Variants in TAFA1 observed in about 807,000 individuals in gnomAD.
The protein encoded by TAFA1 is chemokine-like protein TAFA-1.
A neutral mutation model predicts 18.5 loss-of-function variants in TAFA1; 4 were observed. The observed-to-expected ratio is 0.22, with a 90% confidence interval of 0.11 to 0.49. TAFA1 has a LOEUF of 0.49. TAFA1 is among the 20% of genes least tolerant of loss of function. The probability of loss-of-function intolerance (pLI) is 0.98; values close to 1 mark genes in which losing one functional copy is unlikely to be tolerated. For synonymous variants in TAFA1, 56 were observed against 55.2 expected (o/e 1.01, Z -0.06); for missense variants, 147 against 169.0 (o/e 0.87, Z 0.72).
intron 2 of TAFA1, among the ~76,000 whole-genome samples, chr3:68,257,659 T>G (rs1007568934): frequency 6.6e-6 from 1 of 152,188 alleles, no homozygotes; most frequent in African/African-American, 2.4e-5. Flanking sequence ...TACTTCTTCA[T>G]GCAGTGAGCT....
intron 2 of TAFA1, among the ~76,000 whole-genome samples, chr3:68,391,716 G>C (rs1400321308): frequency 1.3e-5 from 2 of 152,048 alleles, no homozygotes; most frequent in African/African-American, 2.4e-5. Flanking sequence ...CAACATTCTT[G>C]AAGAAAATAA....
intron 2 of TAFA1, among the ~76,000 whole-genome samples, chr3:68,330,523 A>C (rs140128524): frequency 6.6e-6 from 1 of 152,292 alleles, no homozygotes; most frequent in East Asian, 1.9e-4. Context: ...TAGAAATGAC[A>C]ATTTATTGAG....
At chr3:68,431,094 C>A (rs1395586674) in intron 3 of TAFA1, among the ~76,000 whole-genome samples, 1 of 151,858 alleles carries the variant, frequency 6.6e-6, no homozygotes, top group East Asian at 1.9e-4. Flanking sequence ...TCCCTAACCC[C>A]CTACAAAAGC....
chr3:68,341,708 G>T (rs778107576), intron 2 of TAFA1, among the ~76,000 whole-genome samples: 8 of 152,138 alleles, frequency 5.3e-5, no homozygotes, highest in Non-Finnish European at 7.4e-5. Flanking sequence ...CAGCTCCAAG[G>T]TTAGCAGAAA....
intron 2 of TAFA1, among the ~76,000 whole-genome samples, chr3:68,200,090 A>G (rs1343540889): frequency 6.6e-6 from 1 of 151,598 alleles, no homozygotes; most frequent in African/African-American, 2.4e-5. Context: ...GCATCTACTC[A>G]TATGATCATA....
intron 2 of TAFA1, among the ~76,000 whole-genome samples, chr3:68,340,703 G>C (rs1055521619): frequency 3.3e-5 from 5 of 152,154 alleles, no homozygotes; most frequent in African/African-American, 9.7e-5. Flanking sequence ...CCAGGAGTAA[G>C]TACACATCCA....
At chr3:68,182,009 C>G (rs138091110) in intron 2 of TAFA1, among the ~76,000 whole-genome samples, 2,894 of 152,178 alleles carry the variant, frequency 0.019, 104 homozygotes, top group African/African-American at 0.066. Context: ...GAGCTTGAGA[C>G]CAGCCTGGGC....
At chr3:68,204,374 T>C (rs908961890) in intron 2 of TAFA1, among the ~76,000 whole-genome samples, 1 of 151,756 alleles carries the variant, frequency 6.6e-6, no homozygotes, top group Non-Finnish European at 1.5e-5. Context: ...AGCCCCCCAC[T>C]TACACTGGCC....
intron 2 of TAFA1, among the ~76,000 whole-genome samples, chr3:68,291,196 C>G (rs1164903666): frequency 1.3e-5 from 2 of 152,116 alleles, no homozygotes; most frequent in Non-Finnish European, 2.9e-5. Context: ...ATAACTTCAG[C>G]TCACATTAAA....
chr3:68,292,068 T>A (rs1213823770), intron 2 of TAFA1, among the ~76,000 whole-genome samples: 3 of 152,082 alleles, frequency 2.0e-5, no homozygotes, highest in Admixed American at 6.6e-5. Flanking sequence ...CTCATCACCA[T>A]CTCCCCTCCT....
At chr3:68,437,467 G>A (rs371153060) in intron 3 of TAFA1, among the ~76,000 whole-genome samples, 12 of 152,238 alleles carry the variant, frequency 7.9e-5, no homozygotes, top group African/African-American at 1.4e-4. Flanking sequence ...AGGCTGACAA[G>A]CCTAAGGCCA....
chr3:68,441,204 C>T (rs538365320), intron 3 of TAFA1, among the ~76,000 whole-genome samples: 4 of 152,200 alleles, frequency 2.6e-5, no homozygotes, highest in Non-Finnish European at 5.9e-5. Flanking sequence ...GAAAGACTGC[C>T]GGTTTTGAGT....
chr3:68,069,782 G>A lies in TAFA1; in HGVS notation c.118+63038G>A, dbSNP rs1214890137. Among the ~76,000 whole-genome samples, 3 of 152,308 alleles carry A rather than the reference G, an allele frequency of 2.0e-5. No individual in the cohort carries two copies. The East Asian group carries it at 5.8e-4, about 29-fold the overall frequency. ...GGTAGTAATTGGCCAAAACATAGGG[G>A]CTACAGGCCCCATGTAAGTCCAAAA... On this transcript the variant is annotated intron_variant, in intron 2 of 4. Transcript: ENST00000478136.
chr3:68,286,985 C>T (rs773296803), intron 2 of TAFA1, among the ~76,000 whole-genome samples: 74 of 152,316 alleles, frequency 4.9e-4, no homozygotes, highest in Non-Finnish European at 8.4e-4. Flanking sequence ...AAGGGAAACA[C>T]AGCAGTTGTG....
chr3:68,074,145 C>T (rs2064794665), intron 2 of TAFA1, among the ~76,000 whole-genome samples: 1 of 152,176 alleles, frequency 6.6e-6, no homozygotes, highest in Non-Finnish European at 1.5e-5. Context: ...CTAGATCTCA[C>T]ACCTATGCAG....
At chr3:68,253,854 T>G (rs2067242419) in intron 2 of TAFA1, among the ~76,000 whole-genome samples, 1 of 152,166 alleles carries the variant, frequency 6.6e-6, no homozygotes, top group Non-Finnish European at 1.5e-5. Context: ...TTGTGCCCCT[T>G]CTAATACAGG....
chr3:68,161,020 G>T (rs993354087), intron 2 of TAFA1, among the ~76,000 whole-genome samples: 1 of 152,168 alleles, frequency 6.6e-6, no homozygotes, highest in Admixed American at 6.5e-5. Flanking sequence ...CATCTTAAAA[G>T]AAATCAGGAC....
chr3:68,097,869 G>A (rs931856342), intron 2 of TAFA1, among the ~76,000 whole-genome samples: 10 of 152,174 alleles, frequency 6.6e-5, no homozygotes, highest in African/African-American at 2.4e-4. Context: ...CTCTCAGAAA[G>A]AGAATTCCCA....
In TAFA1 at chr3:68,249,751, T is replaced by C. The variant is rs146564570; in HGVS notation, c.119-167529T>C. Among the ~76,000 whole-genome samples the C allele has an allele frequency of 1.6e-3, 246 of 152,154 alleles. 1 individual carries two copies. Among genetic ancestry groups the C allele is most frequent in the African/African-American group, 5.5e-3 (229 of 41,514 alleles). ...GAGGTCCATTTCACCCACTCAGTCA[T>C]AAAAGAGCAGAATTAAATTAAGGCT... On this transcript the variant is annotated intron_variant, in intron 2 of 4. Coordinates refer to ENST00000478136, the MANE Select transcript of TAFA1 (RefSeq NM_213609.4).
Sources: allele counts gnomAD v4.1 joint callset (sites outside exome capture counted in the v4.1 genomes callset), GRCh38; gene constraint gnomAD v4.1.1; transcripts MANE v1.5; gene names NCBI Gene and HGNC (gene_info 2026-07-23, HGNC 2026-07-21).